PALM2AKAP2: variants seen among roughly 807,000 people sequenced by gnomAD.
The protein encoded by PALM2AKAP2 is PALM2-AKAP2 fusion protein.
A neutral mutation model predicts 71.5 loss-of-function variants in PALM2AKAP2; 37 were observed. The ratio of observed to expected loss-of-function variants is 0.52; its 90% CI spans 0.40 to 0.68. PALM2AKAP2 has a LOEUF of 0.68. Among genes scored for constraint, PALM2AKAP2 ranks in the 30% least tolerant of loss-of-function variants. The pLI, the probability that PALM2AKAP2 is intolerant of heterozygous loss-of-function variation, is 0.00. For missense variants in PALM2AKAP2, 1,224 were observed against 1,191.8 expected (o/e 1.03, Z -0.40); for synonymous variants, 468 against 478.8 (o/e 0.98, Z 0.29).
At chr9:109,920,434 C>T (rs899870480) in intron 3 of PALM2AKAP2, among the ~76,000 whole-genome samples, 3 of 149,822 alleles carry the variant, frequency 2.0e-5, no homozygotes, top group Admixed American at 1.3e-4. Flanking sequence ...TGCAGTGGTG[C>T]AATCTGGGCT....
intron 1 of PALM2AKAP2, among the ~76,000 whole-genome samples, chr9:109,825,344 A>T (rs892456641): frequency 6.6e-6 from 1 of 152,246 alleles, no homozygotes; most frequent in East Asian, 1.9e-4. Context: ...AATGGCAACA[A>T]AAGCCAAAAT....
chr9:109,907,956 T>C (rs1564204877), intron 3 of PALM2AKAP2, among the ~76,000 whole-genome samples: 4 of 152,228 alleles, frequency 2.6e-5, no homozygotes, highest in Non-Finnish European at 5.9e-5. Flanking sequence ...CGGATAGATA[T>C]CATTCTGCCG....
At chr9:109,955,946 A>G (rs1483138922) in intron 6 of PALM2AKAP2, among the ~76,000 whole-genome samples, 1 of 152,050 alleles carries the variant, frequency 6.6e-6, no homozygotes, top group African/African-American at 2.4e-5. Context: ...CTTAAAAAAA[A>G]CAAAACAAAA....
intron 1 of PALM2AKAP2, among the ~76,000 whole-genome samples, chr9:109,688,527 G>C (rs1287418325): frequency 6.6e-6 from 1 of 152,242 alleles, no homozygotes; most frequent in African/African-American, 2.4e-5. Context: ...CAAAGGGTTT[G>C]AAATTGCTGC....
intron 1 of PALM2AKAP2, among the ~76,000 whole-genome samples, chr9:109,757,196 C>A (rs941471478): frequency 6.6e-6 from 1 of 152,076 alleles, no homozygotes; most frequent in Non-Finnish European, 1.5e-5. Flanking sequence ...TTAGCTCCCA[C>A]GTATGAGTGA....
At chr9:110,111,174 C>G (rs1835243243) in intron 1 of PALM2AKAP2, among the ~76,000 whole-genome samples, 1 of 134,632 alleles carries the variant, frequency 7.4e-6, no homozygotes, top group Non-Finnish European at 1.5e-5. Flanking sequence ...TCACTGCAGT[C>G]TCAATGGCTC....
intron 3 of PALM2AKAP2, among the ~76,000 whole-genome samples, chr9:109,916,493 C>G (rs973704068): frequency 2.0e-5 from 3 of 152,192 alleles, no homozygotes; most frequent in African/African-American, 7.2e-5. Flanking sequence ...TGGAGGGCAG[C>G]GCAGGCTGTG....
chr9:109,737,078 T>C (rs555011827), intron 1 of PALM2AKAP2, among the ~76,000 whole-genome samples: 78 of 152,370 alleles, frequency 5.1e-4, no homozygotes, highest in African/African-American at 1.8e-3. Flanking sequence ...AGGCATCATC[T>C]AGGAAAGTCT....
At chr9:110,129,246 G>A (rs1308399842) in intron 1 of PALM2AKAP2, among the ~76,000 whole-genome samples, 2 of 152,172 alleles carry the variant, frequency 1.3e-5, no homozygotes, top group Non-Finnish European at 1.5e-5. Flanking sequence ...AAGGTAAAGG[G>A]ATCATCGACT....
At chr9:109,765,187 C>T (rs1036823698) in intron 1 of PALM2AKAP2, among the ~76,000 whole-genome samples, 1 of 152,146 alleles carries the variant, frequency 6.6e-6, no homozygotes, top group African/African-American at 2.4e-5. Context: ...ACCTAAGCTC[C>T]ACCCCCAGAG....
At position 109,989,681 on chromosome 9, in the gene PALM2AKAP2, A is replaced by G. The variant is rs184252242; in HGVS notation, c.497-26273A>G. Among the ~76,000 whole-genome samples, 180 of 152,378 alleles carry G rather than the reference A, an allele frequency of 1.2e-3. 1 individual carries two copies. The highest frequency in any genetic ancestry group is 4.3e-3 in the African/African-American group (177 of 41,596). ...GGGGTAACATGGTGAAGGATAGAGC[A>G]AGCCCTGCCATGCTCCAGTCTCAGC... On this transcript the variant is annotated intron_variant, in intron 6 of 9. Coordinates refer to the PALM2AKAP2 transcript ENST00000302798.
At chr9:109,703,620 G>A (rs1371592715) in intron 1 of PALM2AKAP2, among the ~76,000 whole-genome samples, 1 of 151,660 alleles carries the variant, frequency 6.6e-6, no homozygotes, top group Non-Finnish European at 1.5e-5. Context: ...GACTAATTTG[G>A]AATCACCGAG....
chr9:110,020,267 A>T (rs913424408), intron 7 of PALM2AKAP2, among the ~76,000 whole-genome samples: 1 of 152,214 alleles, frequency 6.6e-6, no homozygotes, highest in Non-Finnish European at 1.5e-5. Flanking sequence ...CTGAAAAAGG[A>T]ATACAATGTT....
chr9:109,948,515 C>T (rs1831564154), intron 6 of PALM2AKAP2, among the ~76,000 whole-genome samples: 2 of 152,148 alleles, frequency 1.3e-5, no homozygotes, highest in African/African-American at 4.8e-5. Flanking sequence ...TCAATGTTCT[C>T]TTTTACTAAC....
intron 6 of PALM2AKAP2, chr9:109,944,618 T>C (rs149457586): frequency 6.6e-6 from 1 of 152,304 alleles, no homozygotes; most frequent in African/African-American, 2.4e-5. Context: ...ATCTTCTCAA[T>C]GTTAAGCACT....
chr9:110,094,651 G>A (rs541592263), intron 1 of PALM2AKAP2, among the ~76,000 whole-genome samples: 22 of 124,906 alleles, frequency 1.8e-4, no homozygotes, highest in East Asian at 5.1e-4. Flanking sequence ...CTCTATTATC[G>A]GAATAGCACC....
chr9:110,035,558 CAT>C lies in PALM2AKAP2; in HGVS notation c.582+19525_582+19526del, dbSNP rs549615648. The stretch of plus-strand genomic sequence containing the variant: ...AGGATATGTTGTGTGTTATATATAA[CAT>C]ATATAGGATATGTTGTGTTATATAT... On this transcript the variant is annotated intron_variant, in intron 7 of 9. Transcript: ENST00000302798. 1.4e-4 allele frequency among the ~76,000 whole-genome samples: 19 copies of C among 132,748 alleles called. No homozygotes were observed. The East Asian group carries it at 2.2e-3, about 15-fold the overall frequency. The allele number at this position is 132,748 out of a possible 152,430, so 87.1% of individuals were successfully genotyped here.
intron 1 of PALM2AKAP2, among the ~76,000 whole-genome samples, chr9:110,115,599 C>T (rs992187154): frequency 1.3e-5 from 2 of 152,196 alleles, no homozygotes; most frequent in Non-Finnish European, 2.9e-5. Context: ...TCTTTTCCTG[C>T]CAGAGTGTGT....
intron 1 of PALM2AKAP2, among the ~76,000 whole-genome samples, chr9:109,663,635 A>T (rs893178954): frequency 6.6e-6 from 1 of 152,142 alleles, no homozygotes; most frequent in Non-Finnish European, 1.5e-5. Context: ...AATAAGTGTG[A>T]TGTGGTGCTA....
Sources: allele counts gnomAD v4.1 joint callset (sites outside exome capture counted in the v4.1 genomes callset), GRCh38; gene constraint gnomAD v4.1.1; transcripts MANE v1.5; gene names NCBI Gene and HGNC (gene_info 2026-07-23, HGNC 2026-07-21).